KIF26B: variants seen among roughly 807,000 people sequenced by gnomAD.
KIF26B encodes the protein kinesin family member 26B, also known as kinesin-like protein KIF26B.
In KIF26B, 63 loss-of-function variants were observed where a neutral mutation model predicts 151.2. The observed-to-expected ratio is 0.42, with a 90% CI of 0.34 to 0.51. The LOEUF (loss-of-function observed/expected upper bound fraction) is 0.51, where lower values mean the gene tolerates loss of function less well. Among genes scored for constraint, KIF26B ranks in the 20% least tolerant of loss-of-function variants. The pLI, the probability that KIF26B is intolerant of heterozygous loss-of-function variation, is 0.07. For missense variants in KIF26B, 2,813 were observed against 2,913.6 expected, an observed-to-expected ratio of 0.97 and a Z score of 0.79; for synonymous variants, 1,357 against 1,262.1, an observed-to-expected ratio of 1.08 and a Z score of -1.59.
intron 2 of KIF26B, among the ~76,000 whole-genome samples, chr1:245,314,430 C>T (rs530136966): frequency 7.9e-5 from 12 of 152,184 alleles, no homozygotes; most frequent in African/African-American, 2.9e-4. Context: ...CCAGCCTGGG[C>T]GACAGAGCGA....
At position 245,318,269 on chromosome 1, in the gene KIF26B, G is replaced by A. The variant is rs1331269982; in HGVS notation, c.466-48565G>A. ...AATCAATCAGTCAACGTCAACTCTT[G>A]TCATTGCTTGGGGGGTAAAGGCAAT... is the stretch of plus-strand genomic sequence containing the variant. On this transcript the variant is annotated intron_variant, in intron 2 of 14. Coordinates refer to ENST00000407071, the MANE Select transcript of KIF26B (RefSeq NM_018012.4). The surrounding 1 kb of genome is among the most constrained non-coding windows in gnomAD (Gnocchi z 4.0). Among the ~76,000 whole-genome samples, 2 of 152,148 alleles carry A rather than the reference G, an allele frequency of 1.3e-5. No individual in the cohort carries two copies. Among genetic ancestry groups the A allele is most frequent in the Non-Finnish European group, 2.9e-5 (2 of 68,032 alleles).
chr1:245,274,564 T>G (rs898023865), intron 2 of KIF26B, among the ~76,000 whole-genome samples: 1 of 127,038 alleles, frequency 7.9e-6, no homozygotes, highest in Non-Finnish European at 1.8e-5. Flanking sequence ...TGAATGCACC[T>G]TTTTTTATGG....
rs185519057 is a variant in KIF26B at position 245,383,285 on chromosome 1, T to C, written c.999+15918T>C. ...GTCTGAACACGGTATCCCTGAAAAA[T>C]AGCGGTGGAATTGGTGAATTTAGAA... is the stretch of plus-strand genomic sequence containing the variant. On this transcript the variant is annotated intron_variant, in intron 3 of 14. Coordinates refer to ENST00000407071, the MANE Select transcript of KIF26B (RefSeq NM_018012.4). 1.6e-3 allele frequency among the ~76,000 whole-genome samples: 240 copies of C among 151,034 alleles called. 1 individual carries two copies. The highest frequency in any genetic ancestry group is 3.1e-3 in the Non-Finnish European group (207 of 67,674).
intron 3 of KIF26B, among the ~76,000 whole-genome samples, chr1:245,411,257 G>T (rs551994745): frequency 1.3e-5 from 2 of 152,170 alleles, no homozygotes; most frequent in African/African-American, 2.4e-5. Flanking sequence ...TGGTGTGCGC[G>T]AAGAAAAGAG....
intron 2 of KIF26B, among the ~76,000 whole-genome samples, chr1:245,184,050 G>GTTTGTTTTTTTTTTTTTTTTTTTTT (rs1668954964): frequency 3.0e-4 from 6 of 19,810 alleles, no homozygotes; most frequent in African/African-American, 9.1e-4. Flanking sequence ...GGGAGTTGTT[G>GTTTGTTTTTTTTTTTTTTTTTTTTT]TTTTTTTTTT....
chr1:245,391,655 CAA>C (rs11363343), intron 3 of KIF26B, among the ~76,000 whole-genome samples: 155 of 88,464 alleles, frequency 1.8e-3, no homozygotes, highest in Middle Eastern at 6.3e-3. Context: ...GACCCTGACT[CAA>C]AAAAAAAAAA....
intron 5 of KIF26B, among the ~76,000 whole-genome samples, chr1:245,600,308 G>C (rs1216804696): frequency 6.9e-6 from 1 of 144,068 alleles, no homozygotes; most frequent in African/African-American, 2.6e-5. Flanking sequence ...AAAGTGCTGG[G>C]ATTACAGGCG....
At chr1:245,350,163 G>A (rs1045036731) in intron 2 of KIF26B, among the ~76,000 whole-genome samples, 1 of 152,088 alleles carries the variant, frequency 6.6e-6, no homozygotes, top group Admixed American at 6.5e-5. Context: ...CCTGAGTCTG[G>A]GGTAGCTTAG....
In KIF26B at chr1:245,687,008, T is replaced by C; in HGVS notation, c.4025T>C (p.Ile1342Thr). ...AAGGCCAGCCCCGACAACTTGCTCA[T>C]CCTGTCTGAGATGGGAGATGACTCT... ...KPKASPDNLLILSEMGDDSFN... is the reference protein window; with the variant it reads ...KPKASPDNLLTLSEMGDDSFN... Residue 1342 changes from isoleucine to threonine, a missense_variant, in exon 12 of 15, where the codon ATC becomes ACC. Physicochemically the swap from Ile to Thr is moderately conservative, Grantham distance 89. Transcript: ENST00000407071. This position sits in a 1 kb window ranked among gnomAD's most constrained non-coding sequence, Gnocchi z 4.9. 1 of 1,613,478 alleles carries C rather than the reference T, an allele frequency of 6.2e-7. No homozygotes were observed. Among genetic ancestry groups the C allele is most frequent in the Non-Finnish European group, 8.5e-7 (1 of 1,179,828 alleles).
At position 245,227,660 on chromosome 1, in the gene KIF26B, C is replaced by A. The variant is rs192552055; in HGVS notation, c.465+70977C>A. On this transcript the variant is annotated intron_variant, in intron 2 of 14. Coordinates refer to ENST00000407071, the MANE Select transcript of KIF26B (RefSeq NM_018012.4). The surrounding 1 kb of genome is among the most constrained non-coding windows in gnomAD (Gnocchi z 4.1). ...TTCCTGAGCCACTAAATGTATCAGA[C>A]TGTTATATTTGGGTTATTTTCCAAA... Among the ~76,000 whole-genome samples, 17 of 152,260 alleles carry A rather than the reference C, an allele frequency of 1.1e-4. No homozygotes were observed. In the East Asian group the frequency reaches 3.3e-3, roughly 29 times the overall value.
At chr1:245,200,534 T>A (rs902168787) in intron 2 of KIF26B, among the ~76,000 whole-genome samples, 1 of 152,220 alleles carries the variant, frequency 6.6e-6, no homozygotes, top group African/African-American at 2.4e-5. Context: ...TGTATACTCA[T>A]AAATTTCTCC....
In KIF26B at chr1:245,155,497, G is replaced by C. The variant is rs1185486795; in HGVS notation, c.63+10G>C. 1 of 1,606,934 alleles carries C rather than the reference G, an allele frequency of 6.2e-7. No homozygotes were observed. Reference sequence around the variant, plus strand: ...GGGCAAGAAATACGGGGTAAGTTGTGACGGTACGACGCGGAGACGCGTTAC... The same window carrying C: ...GGGCAAGAAATACGGGGTAAGTTGTCACGGTACGACGCGGAGACGCGTTAC... On this transcript the variant is annotated intron_variant, in intron 1 of 14. Coordinates refer to ENST00000407071, the MANE Select transcript of KIF26B (RefSeq NM_018012.4).
chr1:245,651,127 A>C (rs528705844), intron 10 of KIF26B, among the ~76,000 whole-genome samples: 11 of 152,296 alleles, frequency 7.2e-5, no homozygotes, highest in Admixed American at 5.9e-4. Context: ...GAGGACACCC[A>C]TCCTCAGGGG....
chr1:245,656,098 C>G (rs1558254336), intron 10 of KIF26B, among the ~76,000 whole-genome samples: 4 of 131,778 alleles, frequency 3.0e-5, no homozygotes, highest in Admixed American at 8.0e-5. Flanking sequence ...CAAAAATACC[C>G]TACAATAAAT....
intron 4 of KIF26B, among the ~76,000 whole-genome samples, chr1:245,514,834 G>A (rs974721095): frequency 7.9e-5 from 12 of 152,102 alleles, no homozygotes; most frequent in Non-Finnish European, 1.5e-4. Flanking sequence ...AAATGCACGC[G>A]AAGCTTACCT....
intron 9 of KIF26B, among the ~76,000 whole-genome samples, chr1:245,624,321 A>G (rs2043699545): frequency 6.6e-6 from 1 of 151,522 alleles, no homozygotes; most frequent in Non-Finnish European, 1.5e-5. Flanking sequence ...GCTGTACCAT[A>G]TAGTAGATGT....
intron 5 of KIF26B, among the ~76,000 whole-genome samples, chr1:245,553,176 A>G (rs1341896271): frequency 6.6e-6 from 1 of 152,220 alleles, no homozygotes; most frequent in Admixed American, 6.5e-5. Context: ...AGCTTCCACC[A>G]TCACCACTCC....
In KIF26B at chr1:245,227,114, C is replaced by G. The variant is rs980971267; in HGVS notation, c.465+70431C>G. On this transcript the variant is annotated intron_variant, in intron 2 of 14. Coordinates refer to ENST00000407071, the MANE Select transcript of KIF26B (RefSeq NM_018012.4). This position sits in a 1 kb window ranked among gnomAD's most constrained non-coding sequence, Gnocchi z 4.1. Reference sequence around the variant, plus strand: ...GTCGTTTTTTGGCATTTTTGAGGAACAGCTCCCTTTTCAGTACCAGGTGAC... The same window carrying G: ...GTCGTTTTTTGGCATTTTTGAGGAAGAGCTCCCTTTTCAGTACCAGGTGAC... Among the ~76,000 whole-genome samples, 1 of 152,180 alleles carries G rather than the reference C, an allele frequency of 6.6e-6. No homozygotes were observed. The highest frequency in any genetic ancestry group is 1.5e-5 in the Non-Finnish European group (1 of 68,028).
chr1:245,589,798 C>T (rs2043266295), intron 5 of KIF26B, among the ~76,000 whole-genome samples: 1 of 152,078 alleles, frequency 6.6e-6, no homozygotes, highest in African/African-American at 2.4e-5. Flanking sequence ...AGGTGAAAGG[C>T]CAGAAGCAGT....
Sources: allele counts gnomAD v4.1 joint callset (sites outside exome capture counted in the v4.1 genomes callset), GRCh38; gene constraint gnomAD v4.1.1; non-coding constraint Gnocchi (gnomAD v3.1); transcripts MANE v1.5; gene names NCBI Gene and HGNC (gene_info 2026-07-23, HGNC 2026-07-21).